Variants in LRBA observed in about 807,000 individuals in gnomAD.
LRBA encodes lipopolysaccharide-responsive and beige-like anchor protein.
In LRBA, 176 loss-of-function variants were observed where a neutral mutation model predicts 330.0. The observed-to-expected ratio is 0.53, with a 90% confidence interval of 0.47 to 0.60. LRBA has a LOEUF of 0.60. Ranked by LOEUF, LRBA falls within the 20% of genes least tolerant of loss-of-function variation. The probability of loss-of-function intolerance (pLI) is 0.00; values close to 1 mark genes in which losing one functional copy is unlikely to be tolerated. For synonymous variants in LRBA, 1,230 were observed against 1,193.0 expected, an observed-to-expected ratio of 1.03 and a Z score of -0.64; for missense variants, 3,259 against 3,444.8, an observed-to-expected ratio of 0.95 and a Z score of 1.35.
intron 47 of LRBA, among the ~76,000 whole-genome samples, chr4:150,386,212 C>T (rs1053225155): frequency 5.9e-5 from 9 of 151,450 alleles, no homozygotes; most frequent in African/African-American, 1.7e-4. Flanking sequence ...AATGATACTC[C>T]GAAATGTTTA....
intron 28 of LRBA, among the ~76,000 whole-genome samples, chr4:150,841,580 C>A (rs1192616446): frequency 6.6e-6 from 1 of 152,070 alleles, no homozygotes; most frequent in Non-Finnish European, 1.5e-5. Flanking sequence ...TAGCTCTTTA[C>A]CTCAAGGTAG....
At chr4:150,440,668 G>A (rs1016477955) in intron 44 of LRBA, among the ~76,000 whole-genome samples, 12 of 152,020 alleles carry the variant, frequency 7.9e-5, no homozygotes, top group African/African-American at 2.9e-4. Context: ...CAACTACTTG[G>A]GAGGATCGCT....
At chr4:150,882,845 A>G (rs1474053352) in intron 17 of LRBA, among the ~76,000 whole-genome samples, 1 of 152,222 alleles carries the variant, frequency 6.6e-6, no homozygotes, top group African/African-American at 2.4e-5. Flanking sequence ...CTTCTAAGGA[A>G]GGATAAGTCT....
intron 47 of LRBA, among the ~76,000 whole-genome samples, chr4:150,405,228 ATGCATCTCAGAAACTT>A (rs1182014672): frequency 2.6e-5 from 4 of 152,246 alleles, no homozygotes; most frequent in African/African-American, 9.6e-5. Context: ...AAAAAGCTCT[ATGCATCTCAGAAACTT>A]CAAGGCATCA....
intron 40 of LRBA, among the ~76,000 whole-genome samples, chr4:150,542,774 C>T (rs1765447692): frequency 6.6e-6 from 1 of 152,062 alleles, no homozygotes. Context: ...AATCGAAAAA[C>T]AAACTCAATG....
At chr4:150,993,147 A>G (rs966445933) in intron 2 of LRBA, among the ~76,000 whole-genome samples, 19 of 152,194 alleles carry the variant, frequency 1.2e-4, no homozygotes, top group African/African-American at 4.6e-4. Flanking sequence ...AAGAAATTAA[A>G]AATAAGTTTT....
chr4:150,844,829 G>A, intron 26 of LRBA, 50 bp from the exon 27 acceptor site: 2 of 1,476,848 alleles, frequency 1.4e-6, no homozygotes, highest in East Asian at 4.6e-5. Context: ...TAATATTTAA[G>A]ATTATGGAAG....
At chr4:150,431,955 G>C (rs1382387456) in intron 46 of LRBA, among the ~76,000 whole-genome samples, 1 of 151,940 alleles carries the variant, frequency 6.6e-6, no homozygotes, top group Admixed American at 6.6e-5. Context: ...AAAATAAAAA[G>C]AATTAACATT....
chr4:150,342,928 T>C (rs987892786), intron 48 of LRBA, among the ~76,000 whole-genome samples: 1 of 152,108 alleles, frequency 6.6e-6, no homozygotes, highest in Non-Finnish European at 1.5e-5. Context: ...TGTACCATGA[T>C]TGTGGTTTTG....
rs1390038198 is a variant in LRBA at position 150,660,511 on chromosome 4, G to A, written c.5921+23040C>T. Among the ~76,000 whole-genome samples the A allele has an allele frequency of 4.0e-5, 6 of 151,420 alleles. No individual in the cohort carries two copies. The South Asian group carries it at 6.3e-4, about 16-fold the overall frequency. ...GTCAGCCCCCCCCGCCCGGCCAGCC[G>A]CCCTGTCCGGGAGGTGAGGGGCGCC... On this transcript the variant is annotated intron_variant, in intron 37 of 56. Coordinates refer to ENST00000651943, the MANE Select transcript of LRBA (RefSeq NM_001364905.1).
intron 34 of LRBA, among the ~76,000 whole-genome samples, chr4:150,788,239 ATTTTTTTTTTTTTT>A (rs377479266): frequency 0.38 from 47,412 of 123,672 alleles, 9,087 homozygotes; most frequent in Non-Finnish European, 0.44. Context: ...CACCCGGTTA[ATTTTTTTTTTTTTT>A]TTTTTTTTTT....
chr4:150,639,805 ATGTGTG>A (rs1166703144), intron 37 of LRBA, among the ~76,000 whole-genome samples: 782 of 8,148 alleles, frequency 0.096, 152 homozygotes, highest in African/African-American at 0.18. Flanking sequence ...ATATATATAT[ATGTGTG>A]TGTGTGTGTA....
intron 37 of LRBA, among the ~76,000 whole-genome samples, chr4:150,621,546 A>G (rs752716040): frequency 5.3e-5 from 8 of 152,206 alleles, no homozygotes; most frequent in Non-Finnish European, 1.2e-4. Context: ...AAACTCATAT[A>G]ACCTACTTGG....
At chr4:150,322,663 C>T (rs1178381731) in intron 49 of LRBA, among the ~76,000 whole-genome samples, 1 of 152,172 alleles carries the variant, frequency 6.6e-6, no homozygotes, top group South Asian at 2.1e-4. Context: ...TTCCTATTTG[C>T]ACTCTTTGCA....
At chr4:150,768,923 T>C (rs1156749228) in intron 34 of LRBA, among the ~76,000 whole-genome samples, 1 of 139,654 alleles carries the variant, frequency 7.2e-6, no homozygotes, top group African/African-American at 2.7e-5. Context: ...TCAAGTGCTG[T>C]CTCCTTTTTT....
chr4:150,816,404 G>A (rs1296277128), intron 31 of LRBA, among the ~76,000 whole-genome samples: 1 of 151,826 alleles, frequency 6.6e-6, no homozygotes, highest in Admixed American at 6.6e-5. Flanking sequence ...TTTTAATACT[G>A]CACATTCTTC....
intron 37 of LRBA, among the ~76,000 whole-genome samples, chr4:150,609,550 AG>A (rs1292763492): frequency 6.6e-6 from 1 of 152,212 alleles, no homozygotes; most frequent in East Asian, 1.9e-4. Flanking sequence ...TAGTGAAGTC[AG>A]GAAGTTCACT....
chr4:150,678,799 G>T (rs1216207834), intron 37 of LRBA, among the ~76,000 whole-genome samples: 1 of 152,114 alleles, frequency 6.6e-6, no homozygotes, highest in East Asian at 1.9e-4. Context: ...CTAGCTCCTA[G>T]GCATGGCTTA....
At chr4:150,978,340 C>A (rs922015690) in intron 2 of LRBA, among the ~76,000 whole-genome samples, 1 of 152,256 alleles carries the variant, frequency 6.6e-6, no homozygotes, top group Non-Finnish European at 1.5e-5. Flanking sequence ...GCATTATGGG[C>A]TTGGGATGCC....
Sources: allele counts gnomAD v4.1 joint callset (sites outside exome capture counted in the v4.1 genomes callset), GRCh38; gene constraint gnomAD v4.1.1; transcripts MANE v1.5; gene names NCBI Gene and HGNC (gene_info 2026-07-23, HGNC 2026-07-21).